ATP9B: variants seen among roughly 807,000 people sequenced by gnomAD.
The protein encoded by ATP9B is probable phospholipid-transporting ATPase IIB.
In ATP9B, 110 loss-of-function variants were observed where a neutral mutation model predicts 146.1. The observed-to-expected ratio is 0.75, with a 90% CI of 0.65 to 0.88. The LOEUF (loss-of-function observed/expected upper bound fraction) is 0.88, where lower values mean the gene tolerates loss of function less well. Ranked by LOEUF, ATP9B falls within the 40% of genes least tolerant of loss-of-function variation. The pLI, the probability that ATP9B is intolerant of heterozygous loss-of-function variation, is 0.00. For synonymous variants in ATP9B, 604 were observed against 569.7 expected (o/e 1.06, Z -0.86); for missense variants, 1,499 against 1,496.4 (o/e 1.00, Z -0.03).
At chr18:79,096,717 A>AG in intron 2 of ATP9B, 68 bp downstream of exon 2, 7 of 1,200,492 alleles carry the variant, frequency 5.8e-6, no homozygotes, top group Non-Finnish European at 8.1e-6. Flanking sequence ...CTTCTAATAT[A>AG]CTTATTAGCT....
chr18:79,204,106 A>T (rs59894305), intron 9 of ATP9B, among the ~76,000 whole-genome samples: 1 of 152,236 alleles, frequency 6.6e-6, no homozygotes, highest in Non-Finnish European at 1.5e-5. Flanking sequence ...TTATCTTAGC[A>T]TTGAATAAAT....
At chr18:79,223,068 A>G (rs1196783079) in intron 11 of ATP9B, among the ~76,000 whole-genome samples, 1 of 152,230 alleles carries the variant, frequency 6.6e-6, no homozygotes, top group African/African-American at 2.4e-5. Flanking sequence ...TGATTTGTGT[A>G]TCTAATAAAA....
In ATP9B at chr18:79,340,584, T is replaced by C. The variant is rs181592912; in HGVS notation, c.2284-1684T>C. On this transcript the variant is annotated intron_variant, in intron 19 of 29. Transcript: ENST00000426216. ...TCTGCTTCCTGTTTCCAAAAATGCA[T>C]ATTTCAATATGATACATAAGAAATC... 3.9e-5 allele frequency: 6 copies of C among 152,342 alleles called. No individual in the cohort carries two copies. The East Asian group carries it at 1.2e-3, about 29-fold the overall frequency. 9.4% of individuals were successfully genotyped at this position (152,342 alleles called of 1,614,324 possible).
chr18:79,218,784 G>A (rs536182804), intron 11 of ATP9B, among the ~76,000 whole-genome samples: 83 of 152,212 alleles, frequency 5.5e-4, no homozygotes, highest in Non-Finnish European at 9.4e-4. Context: ...AAGGCTTTGC[G>A]AGCGAGTGAT....
At chr18:79,339,173 G>A (rs1030108054) in intron 19 of ATP9B, among the ~76,000 whole-genome samples, 7 of 151,574 alleles carry the variant, frequency 4.6e-5, no homozygotes, top group Non-Finnish European at 7.4e-5. Context: ...TGTCATGGTC[G>A]CAGTAGGAAA....
chr18:79,191,113 G>A (rs1248754059), intron 8 of ATP9B, among the ~76,000 whole-genome samples: 1 of 152,042 alleles, frequency 6.6e-6, no homozygotes, highest in African/African-American at 2.4e-5. Context: ...GGCTTGACAA[G>A]TCTGCCTTCC....
In ATP9B at chr18:79,339,254, A is replaced by ATGTCATCACAGTAGGAAGTG. The variant is rs1568745541; in HGVS notation, c.2283+1811_2283+1812insCACAGTAGGAAGTGTGTCAT. ...GTGTGTCATGATCATAGTAGGAAGT[A>ATGTCATCACAGTAGGAAGTG]TGTCATGATCACAGTAGGAAGTGTG... On this transcript the variant is annotated intron_variant, in intron 19 of 29. Coordinates refer to ENST00000426216, the MANE Select transcript of ATP9B (RefSeq NM_198531.5). Among the ~76,000 whole-genome samples the ATGTCATCACAGTAGGAAGTG allele has an allele frequency of 3.2e-4, 46 of 142,820 alleles. No homozygotes were observed. In the South Asian group the frequency reaches 0.01, roughly 32 times the overall value. 93.7% of individuals were successfully genotyped at this position (142,820 alleles called of 152,430 possible). A position where few individuals can be genotyped will look rare whatever the true frequency, so the allele number is the denominator to read the frequency against.
chr18:79,299,604 G>A (rs1283013262), intron 13 of ATP9B, among the ~76,000 whole-genome samples: 1 of 152,156 alleles, frequency 6.6e-6, no homozygotes, highest in African/African-American at 2.4e-5. Flanking sequence ...TTTAGGAAAG[G>A]AATCCTCACC....
At chr18:79,154,689 T>C (rs1226557925) in intron 7 of ATP9B, 134 bp downstream of exon 7, 1 of 517,406 alleles carries the variant, frequency 1.9e-6, no homozygotes. Context: ...TCTGTAGAAA[T>C]GCTATTTTAC....
chr18:79,231,766 A>ATGTG (rs372427025), intron 11 of ATP9B, among the ~76,000 whole-genome samples: 126 of 133,578 alleles, frequency 9.4e-4, no homozygotes, highest in African/African-American at 3.7e-3. Flanking sequence ...GATAAAGAAA[A>ATGTG]TGTGTGTGTG....
At chr18:79,137,170 T>C (rs966798150) in intron 5 of ATP9B, among the ~76,000 whole-genome samples, 5 of 152,210 alleles carry the variant, frequency 3.3e-5, no homozygotes, top group African/African-American at 1.2e-4. Context: ...TTTGTATCCT[T>C]CATGTCTCTC....
At chr18:79,279,890 C>T (rs2096357752) in intron 13 of ATP9B, among the ~76,000 whole-genome samples, 1 of 152,118 alleles carries the variant, frequency 6.6e-6, no homozygotes, top group Admixed American at 6.5e-5. Context: ...TTAGCGTTAG[C>T]GCATCACTTG....
chr18:79,116,922 T>TAAAA (rs781553384), intron 4 of ATP9B, among the ~76,000 whole-genome samples: 1 of 59,824 alleles, frequency 1.7e-5, no homozygotes, highest in African/African-American at 5.0e-5. Flanking sequence ...TAGAGTATAA[T>TAAAA]AAAAAAAAAA....
chr18:79,096,410 TA>T, intron 1 of ATP9B, 65 bp from the exon 2 acceptor site: 1 of 1,430,700 alleles, frequency 7.0e-7, no homozygotes, highest in Non-Finnish European at 9.6e-7. Context: ...ATATTGTCCC[TA>T]AATGAAACAC....
chr18:79,195,810 G>A (rs1024101033), intron 9 of ATP9B, among the ~76,000 whole-genome samples: 4 of 152,160 alleles, frequency 2.6e-5, no homozygotes, highest in African/African-American at 7.2e-5. Flanking sequence ...TCAAGGAAAC[G>A]AGATAATCAA....
chr18:79,177,438 T>C (rs763409521), intron 8 of ATP9B, among the ~76,000 whole-genome samples: 1 of 151,868 alleles, frequency 6.6e-6, no homozygotes, highest in Non-Finnish European at 1.5e-5. Flanking sequence ...GATGGGGGTC[T>C]TGCTATGTTG....
chr18:79,306,354 C>T (rs778994573), intron 14 of ATP9B, among the ~76,000 whole-genome samples: 1 of 152,066 alleles, frequency 6.6e-6, no homozygotes, highest in Non-Finnish European at 1.5e-5. Flanking sequence ...TGGCTGAGCC[C>T]GAGGAGAGCC....
chr18:79,290,565 C>G (rs2096492837), intron 13 of ATP9B, among the ~76,000 whole-genome samples: 1 of 152,008 alleles, frequency 6.6e-6, no homozygotes, highest in African/African-American at 2.4e-5. Context: ...CCTTGCTCTT[C>G]CCGAGTGAGG....
At chr18:79,330,762 G>A (rs2096786078) in intron 17 of ATP9B, among the ~76,000 whole-genome samples, 1 of 152,110 alleles carries the variant, frequency 6.6e-6, no homozygotes, top group Admixed American at 6.5e-5. Flanking sequence ...TTGTGTGTGA[G>A]TGCGTGTCAA....
Sources: allele counts gnomAD v4.1 joint callset (sites outside exome capture counted in the v4.1 genomes callset), GRCh38; gene constraint gnomAD v4.1.1; transcripts MANE v1.5; gene names NCBI Gene and HGNC (gene_info 2026-07-23, HGNC 2026-07-21).